FBXO25: variants seen among roughly 807,000 people sequenced by gnomAD.
FBXO25 encodes F-box protein 25.
A neutral mutation model predicts 51.9 loss-of-function variants in FBXO25; 45 were observed. That is an observed-to-expected ratio of 0.87 (90% CI 0.68 to 1.11). FBXO25 has a LOEUF of 1.11. Ranked by LOEUF, FBXO25 falls within the 50% of genes most tolerant of loss-of-function variation. The pLI is 0.00. For synonymous variants in FBXO25, 199 were observed against 151.0 expected (o/e 1.32, Z -2.33); for missense variants, 507 against 428.5 (o/e 1.18, Z -1.62).
In FBXO25 at chr8:477,326, T is replaced by C. The variant is rs1162594594; in HGVS notation, c.*8522T>C. On this transcript the variant is annotated 3_prime_UTR_variant, in exon 10 of 10. Coordinates refer to ENST00000350302, the MANE Select transcript of FBXO25 (RefSeq NM_183420.2). ...GTCTTGCGACTGATCTTCTGTCTGG[T>C]TGTCCTATCCGTTACTGAAAGTGGG... The C allele has an allele frequency of 2.0e-5, 3 of 152,198 alleles. No homozygotes were observed. Among genetic ancestry groups the C allele is most frequent in the Non-Finnish European group, 2.9e-5 (2 of 68,052 alleles). 9.4% of individuals were successfully genotyped at this position (152,198 alleles called of 1,614,324 possible). A position where few individuals can be genotyped will look rare whatever the true frequency, so the allele number is the denominator to read the frequency against.
At chr8:449,891 C>T in intron 5 of FBXO25, 99 bp from the exon 6 acceptor site, 2 of 799,352 alleles carry the variant, frequency 2.5e-6, no homozygotes, top group Non-Finnish European at 4.1e-6. Flanking sequence ...TTTAGGATGG[C>T]ATGTTAGAAA....
intron 8 of FBXO25, among the ~76,000 whole-genome samples, chr8:461,788 C>T (rs1423153176): frequency 6.6e-6 from 1 of 152,200 alleles, no homozygotes; most frequent in Non-Finnish European, 1.5e-5. Context: ...GCTTCTTACC[C>T]TTTGCATGAT....
chr8:409,426 C>T (rs1248814719), intron 1 of FBXO25, among the ~76,000 whole-genome samples: 1 of 152,170 alleles, frequency 6.6e-6, no homozygotes, highest in African/African-American at 2.4e-5. Flanking sequence ...TCAAACTTAT[C>T]AGCTGAGAAA....
At chr8:467,700 C>T (rs1800266245) in intron 9 of FBXO25, 3 of 1,613,522 alleles carry the variant, frequency 1.9e-6, no homozygotes, top group Non-Finnish European at 2.5e-6. Context: ...CTTCCTGATT[C>T]TTTCTTCATG....
In FBXO25 at chr8:474,587, G is replaced by A. The variant is rs1270259512; in HGVS notation, c.*5783G>A. ...ATTGCCATCCTAATGAGTGTGAAGT[G>A]GTATCCTGCTGAGATTTTGATTTGC... On this transcript the variant is annotated 3_prime_UTR_variant, in exon 10 of 10. Transcript: ENST00000350302. 1 of 384,710 alleles carries A rather than the reference G, an allele frequency of 2.6e-6. No individual in the cohort carries two copies. Among genetic ancestry groups the A allele is most frequent in the Non-Finnish European group, 5.0e-6 (1 of 198,298 alleles). 23.8% of individuals were successfully genotyped at this position (384,710 alleles called of 1,614,324 possible).
chr8:425,666 C>CT (rs1208557084), intron 2 of FBXO25, among the ~76,000 whole-genome samples: 4 of 151,604 alleles, frequency 2.6e-5, no homozygotes, highest in African/African-American at 9.7e-5. Context: ...GTGACAGTTA[C>CT]TTTTTTTCTG....
rs561481317 is a variant in FBXO25, at chr8:433,667, C to A, written c.288+732C>A. Among the ~76,000 whole-genome samples the A allele has an allele frequency of 5.9e-5, 9 of 152,178 alleles. No individual in the cohort carries two copies. The East Asian group carries it at 1.7e-3, about 29-fold the overall frequency. On this transcript the variant is annotated intron_variant, in intron 4 of 9. Transcript: ENST00000350302. The stretch of plus-strand genomic sequence containing the variant: ...GGGAAGTTGAGTTCCTTTTATAGGC[C>A]TAGAAACTCTGCATTTGCTTTATTT...
intron 5 of FBXO25, among the ~76,000 whole-genome samples, chr8:449,035 C>A (rs557145234): frequency 6.6e-6 from 1 of 152,184 alleles, no homozygotes. Context: ...CATGCTGTGT[C>A]TATACATGTA....
At chr8:429,630 C>A (rs558431789) in intron 2 of FBXO25, among the ~76,000 whole-genome samples, 220 of 152,270 alleles carry the variant, frequency 1.4e-3, no homozygotes, top group African/African-American at 4.9e-3. Context: ...TTTTTGTTTA[C>A]CTGACAGTGT....
chr8:437,200 G>T (rs559358072), intron 5 of FBXO25, among the ~76,000 whole-genome samples: 11 of 151,970 alleles, frequency 7.2e-5, no homozygotes, highest in Non-Finnish European at 1.6e-4. Flanking sequence ...ATTTTCTGTC[G>T]GTCATTTGTC....
intron 9 of FBXO25, among the ~76,000 whole-genome samples, chr8:466,228 G>C (rs961230639): frequency 6.6e-6 from 1 of 152,196 alleles, no homozygotes; most frequent in African/African-American, 2.4e-5. Flanking sequence ...CATCTCCTCC[G>C]CCGTGGGTTT....
At chr8:443,991 T>C (rs532043692) in intron 5 of FBXO25, among the ~76,000 whole-genome samples, 35 of 152,282 alleles carry the variant, frequency 2.3e-4, no homozygotes, top group Admixed American at 1.6e-3. Flanking sequence ...CCCTCCCTCC[T>C]CAGTGCTGTG....
In FBXO25 at chr8:469,758, G is replaced by C. The variant is rs1800416345; in HGVS notation, c.*954G>C. On this transcript the variant is annotated 3_prime_UTR_variant, in exon 10 of 10. Transcript: ENST00000350302. ...ATGAAAAATCCCCTCAGCAGGCATA[G>C]GATAGAAACGTATTGTTGTATATTT... The C allele has an allele frequency of 6.6e-6, 1 of 152,292 alleles. No homozygotes were observed. Among genetic ancestry groups the C allele is most frequent in the African/African-American group, 2.4e-5 (1 of 41,560 alleles). 9.4% of individuals were successfully genotyped at this position (152,292 alleles called of 1,614,324 possible).
chr8:419,368 T>A (rs1453893919), intron 2 of FBXO25, among the ~76,000 whole-genome samples: 1 of 151,790 alleles, frequency 6.6e-6, no homozygotes, highest in East Asian at 1.9e-4. Flanking sequence ...AAACTCCATC[T>A]CAAAAAGAAA....
intron 5 of FBXO25, among the ~76,000 whole-genome samples, chr8:449,515 T>C (rs111812165): frequency 9.2e-5 from 14 of 152,364 alleles, no homozygotes; most frequent in African/African-American, 3.1e-4. Context: ...AGTTTTGGTG[T>C]TGTGTTTCCT....
At chr8:444,943 G>A (rs1798645211) in intron 5 of FBXO25, among the ~76,000 whole-genome samples, 1 of 152,150 alleles carries the variant, frequency 6.6e-6, no homozygotes, top group Non-Finnish European at 1.5e-5. Flanking sequence ...TATCCCCCTT[G>A]TTAAGCGACC....
chr8:452,458 A>G lies in FBXO25; in HGVS notation c.660+1005A>G, dbSNP rs115001502. 5.7e-4 allele frequency among the ~76,000 whole-genome samples: 87 copies of G among 152,262 alleles called. 1 individual carries two copies. The highest frequency in any genetic ancestry group is 2.0e-3 in the African/African-American group (85 of 41,534). ...GTTGTGCTAAAAGTCCATCTGTAAG[A>G]CACTTATGCATGGCATGGGGCTTGC... is the stretch of plus-strand genomic sequence containing the variant. On this transcript the variant is annotated intron_variant, in intron 7 of 9. Coordinates refer to ENST00000350302, the MANE Select transcript of FBXO25 (RefSeq NM_183420.2).
At chr8:410,511 C>G (rs1796424662) in intron 1 of FBXO25, among the ~76,000 whole-genome samples, 1 of 151,922 alleles carries the variant, frequency 6.6e-6, no homozygotes, top group Non-Finnish European at 1.5e-5. Flanking sequence ...AGAGATGTTC[C>G]TAGCAGCCAT....
intron 3 of FBXO25, among the ~76,000 whole-genome samples, chr8:432,501 C>G (rs1405284377): frequency 4.6e-5 from 7 of 152,170 alleles, no homozygotes; most frequent in Non-Finnish European, 8.8e-5. Flanking sequence ...ATTCTTGAAA[C>G]TTTTAAGATT....
Sources: allele counts gnomAD v4.1 joint callset (sites outside exome capture counted in the v4.1 genomes callset), GRCh38; gene constraint gnomAD v4.1.1; transcripts MANE v1.5; gene names NCBI Gene and HGNC (gene_info 2026-07-23, HGNC 2026-07-21).